Variants in AUTS2 observed in about 807,000 individuals in gnomAD.
The protein encoded by AUTS2 is autism susceptibility gene 2 protein.
In AUTS2, 17 loss-of-function variants were observed where a neutral mutation model predicts 112.4. That is an observed-to-expected ratio of 0.15 (90% CI 0.10 to 0.23). The LOEUF is 0.23. Among genes scored for constraint, AUTS2 ranks in the 10% least tolerant of loss-of-function variants. The pLI is 1.00. For synonymous variants in AUTS2, 751 were observed against 702.7 expected, an observed-to-expected ratio of 1.07 and a Z score of -1.09; for missense variants, 1,510 against 1,701.6, an observed-to-expected ratio of 0.89 and a Z score of 1.98.
At chr7:70,545,766 TCAGAG>T (rs1800749204) in intron 5 of AUTS2, among the ~76,000 whole-genome samples, 1 of 152,174 alleles carries the variant, frequency 6.6e-6, no homozygotes, top group Non-Finnish European at 1.5e-5. Context: ...TCTCAGGGTC[TCAGAG>T]CCGTTTATGT....
At chr7:70,467,999 C>T (rs1274016857) in intron 5 of AUTS2, among the ~76,000 whole-genome samples, 2 of 152,240 alleles carry the variant, frequency 1.3e-5, no homozygotes, top group Admixed American at 6.5e-5. Flanking sequence ...TGACATGTGC[C>T]GGAGAAGACA....
intron 1 of AUTS2, among the ~76,000 whole-genome samples, chr7:69,666,805 G>T (rs1256806329): frequency 1.3e-5 from 2 of 152,130 alleles, no homozygotes; most frequent in African/African-American, 4.8e-5. Flanking sequence ...GGGAGGCTGA[G>T]GTGGGAGGAT....
In AUTS2 at chr7:69,876,480, T is replaced by TTGTG. The variant is rs71097493; in HGVS notation, c.310-22804_310-22801dup. 2.6e-3 allele frequency among the ~76,000 whole-genome samples: 159 copies of TTGTG among 60,490 alleles called. 14 individuals carry two copies. In the Middle Eastern group the frequency reaches 0.033, roughly 12 times the overall value. The allele number at this position is 60,490 out of a possible 152,430, so 39.7% of individuals were successfully genotyped here. ...ACATTATATATATACATAAAATATT[T>TTGTG]TGTGTATATATATATATATATATAT... On this transcript the variant is annotated intron_variant, in intron 1 of 18. Transcript: ENST00000342771.
At chr7:70,444,681 A>G (rs1796253603) in intron 5 of AUTS2, among the ~76,000 whole-genome samples, 1 of 152,134 alleles carries the variant, frequency 6.6e-6, no homozygotes, top group South Asian at 2.1e-4. Flanking sequence ...GAGAAGTTCT[A>G]GCTGTAGACC....
chr7:70,543,532 A>G (rs777997845), intron 5 of AUTS2, among the ~76,000 whole-genome samples: 40 of 92,840 alleles, frequency 4.3e-4, no homozygotes, highest in Admixed American at 7.8e-4. Context: ...CCATCTTGGG[A>G]AAAAAAAAAA....
chr7:69,876,535 T>C (rs1465214999), intron 1 of AUTS2, among the ~76,000 whole-genome samples: 1 of 49,296 alleles, frequency 2.0e-5, no homozygotes, highest in Non-Finnish European at 3.7e-5. Context: ...TATATATATA[T>C]ATATATATAT....
At chr7:70,414,318 A>G (rs1245402195) in intron 4 of AUTS2, among the ~76,000 whole-genome samples, 2 of 152,240 alleles carry the variant, frequency 1.3e-5, no homozygotes, top group Non-Finnish European at 2.9e-5. Flanking sequence ...GAGGAGAGAC[A>G]TTTTAATCAA....
chr7:69,699,983 G>A (rs1797737744), intron 1 of AUTS2, among the ~76,000 whole-genome samples: 1 of 152,108 alleles, frequency 6.6e-6, no homozygotes, highest in African/African-American at 2.4e-5. Context: ...TCAGTTGTAG[G>A]ATAAATTCCC....
intron 4 of AUTS2, among the ~76,000 whole-genome samples, chr7:70,325,809 A>G (rs1456657818): frequency 1.3e-5 from 2 of 152,204 alleles, no homozygotes; most frequent in Non-Finnish European, 2.9e-5. Context: ...AAAGAGGGCA[A>G]GCCTTATCAA....
intron 4 of AUTS2, among the ~76,000 whole-genome samples, chr7:70,401,204 G>A (rs1364969369): frequency 6.6e-6 from 1 of 152,178 alleles, no homozygotes; most frequent in Non-Finnish European, 1.5e-5. Flanking sequence ...AGAATCCCCT[G>A]GGGACCTTAG....
At chr7:70,158,594 T>TA (rs1320960034) in intron 4 of AUTS2, among the ~76,000 whole-genome samples, 1 of 152,180 alleles carries the variant, frequency 6.6e-6, no homozygotes, top group East Asian at 1.9e-4. Context: ...GCCTATGAGT[T>TA]ACATTTTGGG....
At chr7:70,081,432 G>A (rs890109948) in intron 2 of AUTS2, among the ~76,000 whole-genome samples, 5 of 151,210 alleles carry the variant, frequency 3.3e-5, no homozygotes, top group African/African-American at 4.9e-5. Context: ...ATGGTGGTGG[G>A]TGCCTGTAAT....
intron 1 of AUTS2, among the ~76,000 whole-genome samples, chr7:69,629,518 T>C (rs1337045563): frequency 1.3e-5 from 2 of 152,150 alleles, no homozygotes; most frequent in Non-Finnish European, 2.9e-5. Context: ...CCAAGCCATA[T>C]TGCTGGGGAT....
chr7:69,919,263 C>T (rs746268098), intron 2 of AUTS2, among the ~76,000 whole-genome samples: 24 of 152,074 alleles, frequency 1.6e-4, no homozygotes, highest in Non-Finnish European at 2.8e-4. Flanking sequence ...GTAGATACAG[C>T]GTGTGGCTAT....
chr7:70,727,128 G>C (rs998557899), intron 6 of AUTS2, among the ~76,000 whole-genome samples: 3 of 152,152 alleles, frequency 2.0e-5, no homozygotes, highest in Non-Finnish European at 4.4e-5. Context: ...TCTAAGGGGA[G>C]GAAGGTTATT....
At chr7:70,776,302 A>ATGAAG (rs1303501910) in intron 13 of AUTS2, among the ~76,000 whole-genome samples, 1 of 152,228 alleles carries the variant, frequency 6.6e-6, no homozygotes, top group Non-Finnish European at 1.5e-5. Context: ...CTTAGCAGAA[A>ATGAAG]TGAAGTGAAA....
chr7:70,758,361 A>G (rs965554956), intron 6 of AUTS2, among the ~76,000 whole-genome samples: 1 of 152,174 alleles, frequency 6.6e-6, no homozygotes, highest in Admixed American at 6.5e-5. Flanking sequence ...TTATTTTGCT[A>G]AACCTCCACA....
intron 4 of AUTS2, among the ~76,000 whole-genome samples, chr7:70,259,334 A>G (rs1172082592): frequency 6.6e-6 from 1 of 151,174 alleles, no homozygotes; most frequent in African/African-American, 2.4e-5. Flanking sequence ...TTGTAAAAAG[A>G]GGTTTTTCCA....
intron 2 of AUTS2, among the ~76,000 whole-genome samples, chr7:69,948,913 C>G (rs917916682): frequency 2.0e-5 from 3 of 152,004 alleles, no homozygotes; most frequent in African/African-American, 7.2e-5. Context: ...TCAAGTGATT[C>G]TCTTGCCTCA....
Sources: allele counts gnomAD v4.1 joint callset (sites outside exome capture counted in the v4.1 genomes callset), GRCh38; gene constraint gnomAD v4.1.1; transcripts MANE v1.5; gene names NCBI Gene and HGNC (gene_info 2026-07-23, HGNC 2026-07-21).